UBE2L3: variants seen among roughly 807,000 people sequenced by gnomAD.
UBE2L3 encodes the protein ubiquitin conjugating enzyme E2 L3.
Under a neutral mutation model 17.8 loss-of-function variants are expected in UBE2L3, and 1 was observed. That is an observed-to-expected ratio of 0.06 (90% CI 0.02 to 0.27). The LOEUF is 0.27. Ranked by LOEUF, UBE2L3 falls within the 10% of genes least tolerant of loss-of-function variation. The pLI is 1.00. For synonymous variants in UBE2L3, 44 were observed against 68.5 expected, an observed-to-expected ratio of 0.64 and a Z score of 1.76; for missense variants, 40 against 192.6, an observed-to-expected ratio of 0.21 and a Z score of 4.69.
chr22:21,586,429 C>G (rs535884309), intron 1 of UBE2L3, among the ~76,000 whole-genome samples: 13 of 151,936 alleles, frequency 8.6e-5, no homozygotes, highest in Non-Finnish European at 1.6e-4. Flanking sequence ...GCCACCATGC[C>G]CAGCTAATTT....
At chr22:21,560,435 C>G (rs1926391083) in intron 1 of UBE2L3, among the ~76,000 whole-genome samples, 1 of 151,304 alleles carries the variant, frequency 6.6e-6, no homozygotes, top group Admixed American at 6.6e-5. Context: ...ATTTCTCTTC[C>G]CTTTAGATCT....
intron 3 of UBE2L3, among the ~76,000 whole-genome samples, chr22:21,613,511 T>C (rs1929610309): frequency 6.6e-6 from 1 of 152,202 alleles, no homozygotes; most frequent in Non-Finnish European, 1.5e-5. Flanking sequence ...TAGAACATTA[T>C]TATGTAGATT....
chr22:21,552,191 G>C (rs1211202684), intron 1 of UBE2L3, among the ~76,000 whole-genome samples: 2 of 152,282 alleles, frequency 1.3e-5, no homozygotes, highest in Non-Finnish European at 1.5e-5. Context: ...TCTGCATCGA[G>C]ACATTGATTT....
At chr22:21,575,014 T>C (rs1927185049) in intron 1 of UBE2L3, among the ~76,000 whole-genome samples, 1 of 151,462 alleles carries the variant, frequency 6.6e-6, no homozygotes, top group African/African-American at 2.4e-5. Flanking sequence ...CCCAGCACTT[T>C]GGGAGGCTAA....
chr22:21,569,042 C>T (rs775452447), intron 1 of UBE2L3, among the ~76,000 whole-genome samples: 2 of 152,170 alleles, frequency 1.3e-5, no homozygotes, highest in African/African-American at 4.8e-5. Flanking sequence ...GCTTTCTTTC[C>T]TACCCTACTC....
At chr22:21,566,601 C>T (rs1926650253), upstream of UBE2L3, among the ~76,000 whole-genome samples, 1 of 148,700 alleles carries the variant, frequency 6.7e-6, no homozygotes, top group Non-Finnish European at 1.5e-5. Flanking sequence ...AAAAAAAAAT[C>T]ATCTGACCAT....
chr22:21,606,029 C>G (rs748192124), intron 2 of UBE2L3, among the ~76,000 whole-genome samples: 2 of 152,232 alleles, frequency 1.3e-5, no homozygotes, highest in African/African-American at 2.4e-5. Context: ...TAGTCCTTAT[C>G]TCTCATCATA....
At chr22:21,598,927 A>G (rs192493938) in intron 2 of UBE2L3, among the ~76,000 whole-genome samples, 164 of 151,368 alleles carry the variant, frequency 1.1e-3, no homozygotes, top group African/African-American at 3.3e-3. Context: ...TACAGCCTCT[A>G]CCTCCTGGGT....
upstream of UBE2L3, among the ~76,000 whole-genome samples, chr22:21,565,134 C>T (rs983200679): frequency 6.6e-6 from 1 of 151,744 alleles, no homozygotes. Flanking sequence ...GCTGTGTTAC[C>T]CAGGCTGGAG....
chr22:21,564,601 A>G (rs779610213), upstream of UBE2L3, among the ~76,000 whole-genome samples: 27 of 152,192 alleles, frequency 1.8e-4, no homozygotes, highest in Non-Finnish European at 3.5e-4. Flanking sequence ...TCTTGCAGGC[A>G]GCGGTGAGGA....
At chr22:21,557,058 A>G (rs1926256432) in intron 1 of UBE2L3, among the ~76,000 whole-genome samples, 1 of 152,246 alleles carries the variant, frequency 6.6e-6, no homozygotes, top group African/African-American at 2.4e-5. Flanking sequence ...TGAGTCAAAA[A>G]AAAAAGAAAA....
upstream of UBE2L3, among the ~76,000 whole-genome samples, chr22:21,565,238 G>A (rs1926585799): frequency 6.6e-6 from 1 of 151,698 alleles, no homozygotes; most frequent in African/African-American, 2.4e-5. Flanking sequence ...GAATACAGGC[G>A]CCCGCCACCA....
At chr22:21,588,956 C>T (rs1928103683) in intron 1 of UBE2L3, among the ~76,000 whole-genome samples, 3 of 152,128 alleles carry the variant, frequency 2.0e-5, no homozygotes, top group Admixed American at 2.0e-4. Context: ...GCCACTGCAC[C>T]CGGGCTGTAT....
At position 21,623,853 on chromosome 22, in the gene UBE2L3, G is replaced by T. The variant is rs998558951; in HGVS notation, c.*2184G>T. ...AAGCTGGGTCCTCTGGAGGAGGGGC[G>T]AGCTGTGGAGCAGCCACCCACTGCT... On this transcript the variant is annotated 3_prime_UTR_variant, in exon 4 of 4. Coordinates refer to ENST00000342192, the MANE Select transcript of UBE2L3 (RefSeq NM_003347.4). The T allele has an allele frequency of 1.3e-5, 2 of 152,458 alleles. No homozygotes were observed. The highest frequency in any genetic ancestry group is 2.9e-5 in the Non-Finnish European group (2 of 68,094). 9.4% of individuals were successfully genotyped at this position (152,458 alleles called of 1,614,324 possible).
upstream of UBE2L3, among the ~76,000 whole-genome samples, chr22:21,562,930 A>G (rs1349611364): frequency 1.4e-5 from 2 of 147,556 alleles, no homozygotes; most frequent in Non-Finnish European, 3.0e-5. Flanking sequence ...GTCCAGGAGA[A>G]GGAAGAAGCC....
At chr22:21,565,971 C>CTTTTT (rs527289152), upstream of UBE2L3, among the ~76,000 whole-genome samples, 14 of 122,646 alleles carry the variant, frequency 1.1e-4, no homozygotes, top group African/African-American at 3.2e-4. Context: ...CAGAGTACTC[C>CTTTTT]TTTTTTTTTT....
intron 1 of UBE2L3, among the ~76,000 whole-genome samples, chr22:21,588,792 A>G (rs1023031228): frequency 2.0e-5 from 3 of 151,886 alleles, no homozygotes; most frequent in Non-Finnish European, 4.4e-5. Context: ...CCTCCCAAGT[A>G]GCTGGGATTA....
chr22:21,615,680 A>G (rs566151529), intron 3 of UBE2L3, among the ~76,000 whole-genome samples: 1 of 152,120 alleles, frequency 6.6e-6, no homozygotes, highest in Non-Finnish European at 1.5e-5. Context: ...GAATTTGCCT[A>G]CTCACTAAAG....
intron 3 of UBE2L3, among the ~76,000 whole-genome samples, chr22:21,612,118 C>T (rs1929511244): frequency 6.6e-6 from 1 of 152,114 alleles, no homozygotes; most frequent in Admixed American, 6.5e-5. Context: ...AGTTCAAAGC[C>T]TTGCGCAAGA....
Sources: allele counts gnomAD v4.1 joint callset (sites outside exome capture counted in the v4.1 genomes callset), GRCh38; gene constraint gnomAD v4.1.1; transcripts MANE v1.5; gene names NCBI Gene and HGNC (gene_info 2026-07-23, HGNC 2026-07-21).